DIDO1: variants seen among roughly 807,000 people sequenced by gnomAD.
DIDO1 encodes the protein death inducer-obliterator 1, also known as death-inducer obliterator 1.
A neutral mutation model predicts 99.4 loss-of-function variants in DIDO1; 16 were observed. That is an observed-to-expected ratio of 0.16 (90% CI 0.11 to 0.24). The LOEUF is 0.24. Ranked by LOEUF, DIDO1 falls within the 10% of genes least tolerant of loss-of-function variation. DIDO1 has a pLI of 1.00. For synonymous variants in DIDO1, 1,366 were observed against 1,239.1 expected (o/e 1.10, Z -2.15); for missense variants, 2,996 against 3,014.0 (o/e 0.99, Z 0.14).
At chr20:62,925,518 G>A (rs757191890) in intron 1 of DIDO1, among the ~76,000 whole-genome samples, 1 of 152,184 alleles carries the variant, frequency 6.6e-6, no homozygotes, top group Non-Finnish European at 1.5e-5. Context: ...GCAGACAGAT[G>A]ACACGGATAT....
chr20:62,891,423 T>C (rs1186082223), intron 14 of DIDO1, among the ~76,000 whole-genome samples: 2 of 152,054 alleles, frequency 1.3e-5, no homozygotes, highest in African/African-American at 4.8e-5. Flanking sequence ...TGCCCCTCCC[T>C]AGAGGGGGTT....
intron 1 of DIDO1, among the ~76,000 whole-genome samples, chr20:62,925,859 G>C (rs2065242005): frequency 6.6e-6 from 1 of 152,180 alleles, no homozygotes; most frequent in Non-Finnish European, 1.5e-5. Flanking sequence ...GGGGAGGTAA[G>C]GACACACTCT....
chr20:62,904,860 G>A (rs1002173493), intron 6 of DIDO1: 1 of 359,066 alleles, frequency 2.8e-6, no homozygotes, highest in Non-Finnish European at 3.9e-6. Context: ...TTGCCTGCAT[G>A]AGTGCCTTCC....
chr20:62,894,406 T>C lies in DIDO1; in HGVS notation c.2572+7A>G, dbSNP rs2064469739. On this transcript the variant is annotated splice_region_variant and intron_variant, in intron 11 of 15. Transcript: ENST00000395343. The surrounding 1 kb of genome is among the most constrained non-coding windows in gnomAD (Gnocchi z 4.4). ...CTCCAAGGCTCCATCCCCTGCACTG[T>C]GCTCACCTGTGCAAATTTTACAGTT... 1 of 1,611,312 alleles carries C rather than the reference T, an allele frequency of 6.2e-7. No homozygotes were observed. The highest frequency in any genetic ancestry group is 8.5e-7 in the Non-Finnish European group (1 of 1,180,004).
chr20:62,911,385 C>T lies in DIDO1; in HGVS notation c.228G>A (p.Gln76=), dbSNP rs2064936595. The T allele has an allele frequency of 2.5e-6, 4 of 1,612,270 alleles. No individual in the cohort carries two copies. In the East Asian group the frequency reaches 8.9e-5, roughly 36 times the overall value. ...RQPKRTERVE[Q]FLTIARRRGR... is the part of the protein sequence containing the mutation. Reference sequence around the variant, plus strand: ...CGCGGCGCCGCGCAATGGTCAGGAACTGCTCCACGCGCTCAGTGCGCTTGG... The same window carrying T: ...CGCGGCGCCGCGCAATGGTCAGGAATTGCTCCACGCGCTCAGTGCGCTTGG... Residue 76 remains glutamine, a synonymous_variant, in exon 3 of 16, where the codon CAG becomes CAA. Transcript: ENST00000395343. This position sits in a 1 kb window ranked among gnomAD's most constrained non-coding sequence, Gnocchi z 7.0.
intron 1 of DIDO1, among the ~76,000 whole-genome samples, chr20:62,914,720 G>C (rs926135991): frequency 6.6e-6 from 1 of 152,182 alleles, no homozygotes; most frequent in Non-Finnish European, 1.5e-5. Context: ...CCAAGCATCA[G>C]CTTCTTTTCC....
intron 1 of DIDO1, among the ~76,000 whole-genome samples, chr20:62,936,664 G>A (rs1004748191): frequency 1.3e-5 from 2 of 152,154 alleles, no homozygotes; most frequent in African/African-American, 2.4e-5. Flanking sequence ...AAGACACTGA[G>A]ACCAGCCTGA....
intron 6 of DIDO1, chr20:62,905,486 G>GTA (rs2064780687): frequency 2.6e-6 from 4 of 1,550,156 alleles, no homozygotes; most frequent in Admixed American, 3.9e-5. Flanking sequence ...AAACTGAAGC[G>GTA]TATACAGCGC....
intron 3 of DIDO1, 148 bp from the exon 4 acceptor site, chr20:62,910,168 G>A: frequency 2.1e-6 from 2 of 961,438 alleles, no homozygotes; most frequent in Non-Finnish European, 3.0e-6. Flanking sequence ...CCTTTCCTTT[G>A]ATTTTAACAT....
chr20:62,881,883 G>C lies in DIDO1; in HGVS notation c.4073C>G (p.Pro1358Arg). 3 of 1,613,506 alleles carry C rather than the reference G, an allele frequency of 1.9e-6. No individual in the cohort carries two copies. The highest frequency in any genetic ancestry group is 2.5e-6 in the Non-Finnish European group (3 of 1,180,036). Residue 1358 changes from proline (P) to arginine (R), a missense_variant, in exon 16 of 16, where the codon CCG becomes CGG. By Grantham distance (103) the Pro-to-Arg change is moderately radical (BLOSUM62 -2). Around this residue, in one of 5 missense-constraint regions of DIDO1, gnomAD observed 1,562 missense variants for 1,412.6 expected, o/e 1.11. Coordinates refer to ENST00000395343, the MANE Select transcript of DIDO1 (RefSeq NM_001193369.2). This position sits in a 1 kb window ranked among gnomAD's most constrained non-coding sequence, Gnocchi z 8.3. ...CTGCTGGACGATCGGATCTAACAAC[G>C]GAGGTGCCGGCACCCCGTCCTCTGC... ...TTAEDGVPAPPLLDPIVQQFG... is the reference protein window; with the variant it reads ...TTAEDGVPAPRLLDPIVQQFG...
At chr20:62,925,679 GAGA>G (rs1482702619) in intron 1 of DIDO1, among the ~76,000 whole-genome samples, 1 of 152,218 alleles carries the variant, frequency 6.6e-6, no homozygotes, top group African/African-American at 2.4e-5. Context: ...TCAGAACCGC[GAGA>G]AGGAGCCCCG....
At position 62,911,696 on chromosome 20, in the gene DIDO1, G is replaced by GCCACCTC; in HGVS notation, c.-2-89_-2-83dup. 7.9e-7 allele frequency: 1 copy of GCCACCTC among 1,267,772 alleles called. No individual in the cohort carries two copies. The highest frequency in any genetic ancestry group is 1.1e-6 in the Non-Finnish European group (1 of 932,478). 78.5% of individuals were successfully genotyped at this position (1,267,772 alleles called of 1,614,324 possible). A position where few individuals can be genotyped will look rare whatever the true frequency, so the allele number is the denominator to read the frequency against. On this transcript the variant is annotated intron_variant, in intron 2 of 15. Transcript: ENST00000395343. This position sits in a 1 kb window ranked among gnomAD's most constrained non-coding sequence, Gnocchi z 7.0. ...TTGCCGCCAAACACGCGCAGCAGGG[G>GCCACCTC]CCACCTCCCTACAAACAGTGGAGCT... is the stretch of plus-strand genomic sequence containing the variant.
At position 62,881,597 on chromosome 20, in the gene DIDO1, T is replaced by A; in HGVS notation, c.4359A>T (p.Arg1453Ser). ...DLPNRMCADVRRNSVERPAEP... is the reference protein window; with the variant it reads ...DLPNRMCADVSRNSVERPAEP... ...CGGCAGGCCTCTCCACGGAGTTCCT[T>A]CTCACGTCGGCACACATCCTGTTGG... is the stretch of plus-strand genomic sequence containing the variant. The change falls in exon 16 of 16, where the codon AGA (arginine) becomes AGT (serine). Residue 1453 changes from arginine (R) to serine (S), a missense_variant. Transcript: ENST00000395343. The surrounding 1 kb of genome is among the most constrained non-coding windows in gnomAD (Gnocchi z 8.3). 9 of 1,612,070 alleles carry A rather than the reference T, an allele frequency of 5.6e-6. No individual in the cohort carries two copies. Among genetic ancestry groups the A allele is most frequent in the Non-Finnish European group, 5.1e-6 (6 of 1,180,008 alleles).
chr20:62,892,473 C>A (rs1042875099), intron 13 of DIDO1, among the ~76,000 whole-genome samples: 1 of 152,156 alleles, frequency 6.6e-6, no homozygotes, highest in African/African-American at 2.4e-5. Flanking sequence ...CGCAAGTGGC[C>A]AGGTGTGTGT....
intron 15 of DIDO1, chr20:62,888,733 C>G: frequency 1.0e-6 from 1 of 985,490 alleles, no homozygotes; most frequent in Non-Finnish European, 1.2e-6. Flanking sequence ...ATGTTTATAT[C>G]TAGAAAACGC....
At chr20:62,904,780 CAAAAA>C (rs58039393) in intron 6 of DIDO1, among the ~76,000 whole-genome samples, 824 of 62,580 alleles carry the variant, frequency 0.013, 14 homozygotes, top group African/African-American at 0.042. Context: ...ACTCTTGTCT[CAAAAA>C]AAAAAAAAAA....
chr20:62,906,195 T>C, intron 5 of DIDO1, 95 bp from the exon 6 acceptor site: 1 of 1,481,628 alleles, frequency 6.7e-7, no homozygotes, highest in Non-Finnish European at 9.0e-7. Context: ...CCCAATGTCT[T>C]CCTGAGGCCA....
At chr20:62,890,636 G>C (rs939910536) in intron 15 of DIDO1, 1 of 1,213,588 alleles carries the variant, frequency 8.2e-7, no homozygotes, top group African/African-American at 1.5e-5. Flanking sequence ...CGCTGGGAGT[G>C]TCACCTCCCT....
At position 62,879,837 on chromosome 20, in the gene DIDO1, C is replaced by A. The variant is rs143474883; in HGVS notation, c.6119G>T (p.Arg2040Leu). ...PSHPPQHRKDRWEEAGPPSAL... is the reference protein window; with the variant it reads ...PSHPPQHRKDLWEEAGPPSAL... Reference sequence around the variant, plus strand: ...GGAGGGCGGCCCGGCCTCCTCCCAGCGGTCCTTCCGGTGCTGCGGGGGGTG... The same window carrying A: ...GGAGGGCGGCCCGGCCTCCTCCCAGAGGTCCTTCCGGTGCTGCGGGGGGTG... Residue 2040 changes from arginine (R) to leucine (L), a missense_variant, in exon 16 of 16, where the codon CGC (arginine) becomes CTC (leucine). Transcript: ENST00000395343. The surrounding 1 kb of genome is among the most constrained non-coding windows in gnomAD (Gnocchi z 6.3). The A allele has an allele frequency of 1.2e-6, 2 of 1,605,448 alleles. No homozygotes were observed. The highest frequency in any genetic ancestry group is 1.7e-6 in the Non-Finnish European group (2 of 1,176,898).
Sources: allele counts gnomAD v4.1 joint callset (sites outside exome capture counted in the v4.1 genomes callset), GRCh38; gene constraint gnomAD v4.1.1; regional missense constraint gnomAD v4.1.1; non-coding constraint Gnocchi (gnomAD v3.1); transcripts MANE v1.5; gene names NCBI Gene and HGNC (gene_info 2026-07-23, HGNC 2026-07-21).